CFAP299: variants seen among roughly 807,000 people sequenced by gnomAD.
CFAP299 encodes cilia and flagella associated protein 299.
CFAP299 carries 21 observed loss-of-function variants against 27.0 expected under a neutral mutation model. The ratio of observed to expected loss-of-function variants is 0.78; its 90% CI spans 0.55 to 1.12. CFAP299 has a LOEUF of 1.12. CFAP299 is among the 50% of genes most tolerant of loss of function. The pLI is 0.00. For synonymous variants in CFAP299, 104 were observed against 98.1 expected, an observed-to-expected ratio of 1.06 and a Z score of -0.36; for missense variants, 310 against 276.6, an observed-to-expected ratio of 1.12 and a Z score of -0.86.
intron 3 of CFAP299, among the ~76,000 whole-genome samples, chr4:80,627,946 A>G (rs1216835187): frequency 6.6e-6 from 1 of 152,154 alleles, no homozygotes; most frequent in Non-Finnish European, 1.5e-5. Flanking sequence ...TTCCTATCAA[A>G]ATACCAATAA....
Position 80,870,135 on chromosome 4 carries a change from G to A in CFAP299, c.476G>A (p.Ser159Asn). The stretch of plus-strand genomic sequence containing the variant: ...CTTCTTCCAAGGCCTACAGATATAA[G>A]GTAAATTACATACAATTTTTGCACC... Reference protein sequence around the residue: ...KRLLPRPTDISFYNWDADIAV... With the variant: ...KRLLPRPTDINFYNWDADIAV... The change falls in exon 4 of 6, where the codon AGC becomes AAC. Residue 159 changes from serine (S) to asparagine (N), a missense_variant and splice_region_variant. Coordinates refer to ENST00000358105, the MANE Select transcript of CFAP299 (RefSeq NM_152770.3). The A allele has an allele frequency of 6.3e-7, 1 of 1,595,498 alleles. No individual in the cohort carries two copies. Among genetic ancestry groups the A allele is most frequent in the Non-Finnish European group, 8.5e-7 (1 of 1,171,750 alleles).
chr4:80,392,374 G>A (rs546082619), intron 2 of CFAP299, among the ~76,000 whole-genome samples: 19 of 152,124 alleles, frequency 1.2e-4, no homozygotes, highest in Non-Finnish European at 2.8e-4. Context: ...GGACAGAATA[G>A]TATAGTTCGG....
At chr4:80,564,548 G>C (rs768161534) in intron 2 of CFAP299, among the ~76,000 whole-genome samples, 23 of 152,022 alleles carry the variant, frequency 1.5e-4, no homozygotes, top group Admixed American at 9.2e-4. Context: ...TAAAAGCCAT[G>C]TATGAAGATT....
chr4:80,457,603 G>A (rs1444509012), intron 2 of CFAP299, among the ~76,000 whole-genome samples: 2 of 152,098 alleles, frequency 1.3e-5, no homozygotes, highest in Non-Finnish European at 2.9e-5. Flanking sequence ...TAAAATCCAA[G>A]GTTGGTAGTC....
chr4:80,789,057 G>A (rs1339900917), intron 3 of CFAP299, among the ~76,000 whole-genome samples: 2 of 151,948 alleles, frequency 1.3e-5, no homozygotes, highest in Non-Finnish European at 2.9e-5. Flanking sequence ...TAACATAAAA[G>A]GCTGAAGTTA....
chr4:80,328,054 CAAG>C, the CFAP299 span, among the ~76,000 whole-genome samples: 1 of 151,744 alleles, frequency 6.6e-6, no homozygotes, highest in Non-Finnish European at 1.5e-5. Context: ...GATTTGAAAA[CAAG>C]AAAGTAATTG....
chr4:80,848,373 CAT>C (rs1345886622), intron 3 of CFAP299, among the ~76,000 whole-genome samples: 3 of 152,142 alleles, frequency 2.0e-5, no homozygotes, highest in Non-Finnish European at 4.4e-5. Flanking sequence ...TTTTTGTAAA[CAT>C]AGAGTTTACT....
intron 4 of CFAP299, among the ~76,000 whole-genome samples, chr4:80,924,450 A>G (rs1042263034): frequency 1.3e-5 from 2 of 151,118 alleles, no homozygotes; most frequent in Admixed American, 1.3e-4. Flanking sequence ...TACAATGGGA[A>G]TTTGGACCAC....
At position 80,591,131 on chromosome 4, in the gene CFAP299, T is replaced by TTA. The variant is rs1560643083; in HGVS notation, c.333+7948_333+7949insTA. ...TTTTTTTTTTTTTTTTTTTTTTTTT[T>TTA]ATTTTTTTTTGAGACGGAGTCTCGC... On this transcript the variant is annotated intron_variant, in intron 3 of 5. Transcript: ENST00000358105. Among the ~76,000 whole-genome samples the TTA allele has an allele frequency of 5.1e-5, 7 of 137,150 alleles. No individual in the cohort carries two copies. In the South Asian group the frequency reaches 9.5e-4, roughly 19 times the overall value. The allele number at this position is 137,150 out of a possible 152,430, so 90.0% of individuals were successfully genotyped here.
chr4:80,531,794 C>T (rs1211590060), intron 2 of CFAP299, among the ~76,000 whole-genome samples: 1 of 137,930 alleles, frequency 7.3e-6, no homozygotes, highest in Non-Finnish European at 1.5e-5. Context: ...ACTCTTGTTG[C>T]CCAGGCTGGA....
At chr4:80,526,971 G>A (rs1386726854) in intron 2 of CFAP299, among the ~76,000 whole-genome samples, 2 of 152,084 alleles carry the variant, frequency 1.3e-5, no homozygotes, top group Non-Finnish European at 2.9e-5. Context: ...ATGAGAGCAA[G>A]ACACCAACTG....
intron 3 of CFAP299, among the ~76,000 whole-genome samples, chr4:80,685,783 TC>T (rs1388917701): frequency 2.0e-5 from 3 of 152,170 alleles, no homozygotes; most frequent in Non-Finnish European, 4.4e-5. Context: ...GAATTTTTTT[TC>T]CTGTTCCTTC....
chr4:80,607,814 G>A (rs2109912148), intron 3 of CFAP299, among the ~76,000 whole-genome samples: 1 of 152,284 alleles, frequency 6.6e-6, no homozygotes, highest in African/African-American at 2.4e-5. Context: ...ACTGGGAAAT[G>A]TGTCACTGCA....
chr4:80,529,188 T>C (rs1733335996), intron 2 of CFAP299, among the ~76,000 whole-genome samples: 2 of 152,154 alleles, frequency 1.3e-5, no homozygotes, highest in South Asian at 2.1e-4. Context: ...TAATCACTTG[T>C]ATCTCTGCCA....
intron 3 of CFAP299, among the ~76,000 whole-genome samples, chr4:80,588,509 G>A (rs1736562613): frequency 6.6e-6 from 1 of 150,850 alleles, no homozygotes; most frequent in South Asian, 2.1e-4. Flanking sequence ...CATCTTTAGT[G>A]TTACATACCT....
At position 80,895,252 on chromosome 4, in the gene CFAP299, T is replaced by C. The variant is rs142520062; in HGVS notation, c.476+25117T>C. 6.6e-5 allele frequency among the ~76,000 whole-genome samples: 10 copies of C among 151,998 alleles called. No homozygotes were observed. The East Asian group carries it at 1.9e-3, about 29-fold the overall frequency. On this transcript the variant is annotated intron_variant, in intron 4 of 5. Transcript: ENST00000358105. ...TTAATTAGCCTGATTGTGGCAATCA[T>C]TTCACGTGTATACATATATCAAAAC...
chr4:80,580,428 G>A (rs1736104736), intron 2 of CFAP299, among the ~76,000 whole-genome samples: 1 of 152,012 alleles, frequency 6.6e-6, no homozygotes, highest in Non-Finnish European at 1.5e-5. Context: ...AAAAGCAATA[G>A]ATGTCTACAA....
chr4:80,952,059 AT>A (rs1418597647), intron 5 of CFAP299, among the ~76,000 whole-genome samples: 1 of 152,116 alleles, frequency 6.6e-6, no homozygotes, highest in African/African-American at 2.4e-5. Flanking sequence ...ATGGAACTTC[AT>A]TTTGTGAAGT....
At chr4:80,341,916 A>G (rs1213308463) in intron 1 of CFAP299, among the ~76,000 whole-genome samples, 6 of 152,210 alleles carry the variant, frequency 3.9e-5, no homozygotes, top group Non-Finnish European at 8.8e-5. Flanking sequence ...AAAAGAAGCT[A>G]GAATCATGAT....
Sources: gnomAD v4.1 joint callset for allele counts (sites outside exome capture counted in the v4.1 genomes callset) on GRCh38, gnomAD v4.1.1 for gene constraint, MANE v1.5 for transcripts, NCBI Gene and HGNC (gene_info 2026-07-23, HGNC 2026-07-21) for gene names.